The following PTPRG variants were observed in gnomAD, a reference collection of about 807,000 sequenced individuals.
The protein encoded by PTPRG is protein tyrosine phosphatase receptor type G.
PTPRG carries 102 observed loss-of-function variants against 165.3 expected under a neutral mutation model. That is an observed-to-expected ratio of 0.62 (90% CI 0.53 to 0.73). The LOEUF (loss-of-function observed/expected upper bound fraction) is 0.73. Ranked by LOEUF, PTPRG falls within the 30% of genes least tolerant of loss-of-function variation. The probability of loss-of-function intolerance (pLI) is 0.00; values close to 1 mark genes in which losing one functional copy is unlikely to be tolerated. For missense variants in PTPRG, 1,866 were observed against 1,861.4 expected (o/e 1.00, Z -0.05); for synonymous variants, 675 against 669.5 (o/e 1.01, Z -0.13).
At chr3:62,185,775 G>A (rs953476077) in intron 8 of PTPRG, among the ~76,000 whole-genome samples, 1 of 152,180 alleles carries the variant, frequency 6.6e-6, no homozygotes, top group Non-Finnish European at 1.5e-5. Context: ...TTGGGCCTGA[G>A]GCCCACAACT....
intron 2 of PTPRG, among the ~76,000 whole-genome samples, chr3:61,764,671 C>CG (rs1232958083): frequency 2.0e-5 from 3 of 152,140 alleles, no homozygotes; most frequent in Non-Finnish European, 4.4e-5. Context: ...TAGAGGGAAG[C>CG]GGGGGAGATA....
chr3:62,185,322 T>G (rs1252604546), intron 8 of PTPRG, among the ~76,000 whole-genome samples: 1 of 152,222 alleles, frequency 6.6e-6, no homozygotes, highest in Non-Finnish European at 1.5e-5. Flanking sequence ...GATCCGGGTG[T>G]GGCACCTCCC....
chr3:61,735,486 C>A (rs1380285883), intron 1 of PTPRG, among the ~76,000 whole-genome samples: 1 of 150,748 alleles, frequency 6.6e-6, no homozygotes, highest in Admixed American at 6.6e-5. Context: ...TGACTAGCAA[C>A]ATTAAAGTGG....
chr3:62,191,217 C>CGT (rs1325825910), intron 8 of PTPRG, among the ~76,000 whole-genome samples: 1 of 149,036 alleles, frequency 6.7e-6, no homozygotes, highest in African/African-American at 2.5e-5. Context: ...GTCCCGTGCA[C>CGT]GTGTGTGTGC....
rs147446491 is a variant in PTPRG at position 62,172,440 on chromosome 3, A to G, written c.1033+4277A>G. Among the ~76,000 whole-genome samples, 584 of 152,266 alleles carry G rather than the reference A, an allele frequency of 3.8e-3. 2 individuals are homozygous for G. The highest frequency in any genetic ancestry group is 0.011 in the African/African-American group (477 of 41,546). On this transcript the variant is annotated intron_variant, in intron 8 of 29. Transcript: ENST00000474889. The stretch of plus-strand genomic sequence containing the variant: ...TTGTGCATCTCTTTTATTTTCACCA[A>G]CCTAGTGAATATGAGGTTGCATCAG...
chr3:62,207,785 TAGA>T (rs965521766), intron 12 of PTPRG, among the ~76,000 whole-genome samples: 4 of 152,172 alleles, frequency 2.6e-5, no homozygotes, highest in Non-Finnish European at 5.9e-5. Flanking sequence ...AATCCTTCTA[TAGA>T]AGAAGTGGCA....
chr3:61,948,415 T>C (rs2039817435), intron 2 of PTPRG, among the ~76,000 whole-genome samples: 2 of 152,188 alleles, frequency 1.3e-5, no homozygotes, highest in Non-Finnish European at 1.5e-5. Context: ...GAGCACCTGC[T>C]ATGGCCAGGC....
intron 2 of PTPRG, among the ~76,000 whole-genome samples, chr3:61,838,778 T>C (rs2036540107): frequency 1.3e-5 from 2 of 152,230 alleles, no homozygotes; most frequent in African/African-American, 2.4e-5. Context: ...CTTCATTTGC[T>C]TTCTCTTGCT....
intron 12 of PTPRG, among the ~76,000 whole-genome samples, chr3:62,209,995 A>G (rs751087884): frequency 1.3e-5 from 2 of 152,186 alleles, no homozygotes; most frequent in African/African-American, 2.4e-5. Context: ...TGGCCGTCTG[A>G]TAGGTTAGGG....
At chr3:61,781,884 T>C (rs1398177421) in intron 2 of PTPRG, among the ~76,000 whole-genome samples, 2 of 114,050 alleles carry the variant, frequency 1.8e-5, no homozygotes, top group African/African-American at 3.2e-5. Context: ...TGCACCACCA[T>C]GCCCAGTTTT....
At chr3:61,883,376 G>T (rs1229608331) in intron 2 of PTPRG, among the ~76,000 whole-genome samples, 1 of 151,938 alleles carries the variant, frequency 6.6e-6, no homozygotes, top group Non-Finnish European at 1.5e-5. Flanking sequence ...CTCCACCTGG[G>T]GTCTAACGGT....
In PTPRG at chr3:62,203,904, C is replaced by T. The variant is rs371158794; in HGVS notation, c.2109C>T (p.Arg703=). ...TGCCATCTAAAAAGCCTATGTCCCG[C>T]GGGGACCGATTTTCTGAAGACAGCA... is the stretch of plus-strand genomic sequence containing the variant. ...PEMPSKKPMS[R]GDRFSEDSRF... The change falls in exon 12 of 30, where the codon CGC becomes CGT. Residue 703 remains arginine, a synonymous_variant. Transcript: ENST00000474889. The surrounding 1 kb of genome is among the most constrained non-coding windows in gnomAD (Gnocchi z 6.4). The T allele has an allele frequency of 1.4e-5, 23 of 1,602,402 alleles. No homozygotes were observed. The African/African-American group carries it at 2.3e-4, about 16-fold the overall frequency.
At chr3:62,054,965 T>G (rs186870816) in intron 4 of PTPRG, among the ~76,000 whole-genome samples, 2 of 152,322 alleles carry the variant, frequency 1.3e-5, no homozygotes, top group Admixed American at 1.3e-4. Context: ...GAGCGATTGC[T>G]CATTGGAATC....
At chr3:62,106,327 C>A (rs529945449) in intron 5 of PTPRG, among the ~76,000 whole-genome samples, 3 of 152,134 alleles carry the variant, frequency 2.0e-5, no homozygotes, top group Non-Finnish European at 4.4e-5. Context: ...TCTCAGCAGA[C>A]ACCATACACT....
Position 62,036,701 on chromosome 3 carries a change from T to G in PTPRG, c.519+33204T>G, listed in dbSNP as rs150366210. On this transcript the variant is annotated intron_variant, in intron 4 of 29. Coordinates refer to ENST00000474889, the MANE Select transcript of PTPRG (RefSeq NM_002841.4). ...AAAAATGTCCCTAGTGCAATTTTAT[T>G]GAGATTTTGGTCCAAAAGGAAGCAG... Among the ~76,000 whole-genome samples, 960 of 152,298 alleles carry G rather than the reference T, an allele frequency of 6.3e-3. 12 individuals are homozygous for G. Among genetic ancestry groups the G allele is most frequent in the African/African-American group, 0.022 (906 of 41,562 alleles).
chr3:61,770,967 T>G (rs1483713000), intron 2 of PTPRG: 2 of 152,178 alleles, frequency 1.3e-5, no homozygotes, highest in Non-Finnish European at 2.9e-5. Flanking sequence ...TACCTTTCAC[T>G]AGAGATAGAG....
intron 5 of PTPRG, among the ~76,000 whole-genome samples, chr3:62,103,922 A>G (rs1702382687): frequency 6.6e-6 from 1 of 152,188 alleles, no homozygotes. Flanking sequence ...TCAACCTCTC[A>G]CTCGCTATTC....
At chr3:62,291,368 A>C (rs1046089199) in intron 28 of PTPRG, among the ~76,000 whole-genome samples, 1 of 152,130 alleles carries the variant, frequency 6.6e-6, no homozygotes, top group Non-Finnish European at 1.5e-5. Context: ...GCTAAAGTGC[A>C]CAAATTCAAA....
intron 1 of PTPRG, among the ~76,000 whole-genome samples, chr3:61,647,529 G>A (rs933982372): frequency 1.3e-5 from 2 of 152,110 alleles, no homozygotes; most frequent in African/African-American, 2.4e-5. Flanking sequence ...AGTGGCTCAC[G>A]CCTGTAATCC....
Sources: allele counts gnomAD v4.1 joint callset (sites outside exome capture counted in the v4.1 genomes callset), GRCh38; gene constraint gnomAD v4.1.1; non-coding constraint Gnocchi (gnomAD v3.1); transcripts MANE v1.5; gene names NCBI Gene and HGNC (gene_info 2026-07-23, HGNC 2026-07-21).